RAB11FIP3: variants seen among roughly 807,000 people sequenced by gnomAD.
RAB11FIP3 encodes the protein rab11 family-interacting protein 3.
In RAB11FIP3, 17 loss-of-function variants were observed where a neutral mutation model predicts 77.8. The observed-to-expected ratio is 0.22, with a 90% CI of 0.15 to 0.33. The LOEUF (loss-of-function observed/expected upper bound fraction) is 0.33, where lower values mean the gene tolerates loss of function less well. Ranked by LOEUF, RAB11FIP3 falls within the 10% of genes least tolerant of loss-of-function variation. The pLI, the probability that RAB11FIP3 is intolerant of heterozygous loss-of-function variation, is 1.00. For missense variants in RAB11FIP3, 1,005 were observed against 1,011.2 expected, an observed-to-expected ratio of 0.99 and a Z score of 0.08; for synonymous variants, 437 against 448.2, an observed-to-expected ratio of 0.98 and a Z score of 0.31.
rs878990432 is a variant in RAB11FIP3 at position 505,221 on chromosome 16, G to C, written c.1396-303G>C. Among the ~76,000 whole-genome samples the C allele has an allele frequency of 6.6e-6, 1 of 151,960 alleles. No homozygotes were observed. Among genetic ancestry groups the C allele is most frequent in the African/African-American group, 2.4e-5 (1 of 41,380 alleles). On this transcript the variant is annotated intron_variant, in intron 7 of 13. Transcript: ENST00000262305. This position sits in a 1 kb window ranked among gnomAD's most constrained non-coding sequence, Gnocchi z 4.0. Reference sequence around the variant, plus strand: ...TGAGCAGAGACCCAACTGTGTGTTGGGGGGCTGAGTCTTGCTGCCCACCAG... The same window carrying C: ...TGAGCAGAGACCCAACTGTGTGTTGCGGGGCTGAGTCTTGCTGCCCACCAG...
At chr16:486,579 G>A (rs900953954) in intron 4 of RAB11FIP3, among the ~76,000 whole-genome samples, 15 of 152,212 alleles carry the variant, frequency 9.9e-5, no homozygotes, top group Non-Finnish European at 2.1e-4. Context: ...TAGCTAGCGC[G>A]GCTCATCTTC....
intron 1 of RAB11FIP3, among the ~76,000 whole-genome samples, chr16:433,441 G>C (rs1310134602): frequency 3.3e-5 from 5 of 151,616 alleles, no homozygotes; most frequent in Non-Finnish European, 7.4e-5. Context: ...TCCCACATAA[G>C]AGTAAAAACG....
rs1409025783 is a variant in RAB11FIP3 at position 471,104 on chromosome 16, T to C, written c.809-191T>C. Among the ~76,000 whole-genome samples the C allele has an allele frequency of 1.3e-5, 2 of 152,066 alleles. No individual in the cohort carries two copies. Among genetic ancestry groups the C allele is most frequent in the Non-Finnish European group, 2.9e-5 (2 of 68,008 alleles). ...CTGTGGGCAACGCATCTCTGACCCG[T>C]TGGCAAGGCTGTTTTCTCTCCCTGG... On this transcript the variant is annotated intron_variant, in intron 2 of 13. Transcript: ENST00000262305. The surrounding 1 kb of genome is among the most constrained non-coding windows in gnomAD (Gnocchi z 4.4).
At chr16:513,135 A>G (rs992406652) in intron 9 of RAB11FIP3, among the ~76,000 whole-genome samples, 1 of 152,252 alleles carries the variant, frequency 6.6e-6, no homozygotes, top group Non-Finnish European at 1.5e-5. Flanking sequence ...TAAAATATCT[A>G]TAATCAGAGG....
chr16:443,977 T>C (rs1315898578), intron 1 of RAB11FIP3, among the ~76,000 whole-genome samples: 2 of 152,210 alleles, frequency 1.3e-5, no homozygotes, highest in African/African-American at 4.8e-5. Context: ...GAGTTTCAGT[T>C]TGTATTTCCT....
intron 1 of RAB11FIP3, among the ~76,000 whole-genome samples, chr16:452,583 C>A (rs1277926498): frequency 1.3e-5 from 2 of 148,742 alleles, no homozygotes; most frequent in South Asian, 4.4e-4. Context: ...TACAGGCGCC[C>A]GCCACCACGC....
At chr16:433,884 T>C (rs943237761) in intron 1 of RAB11FIP3, among the ~76,000 whole-genome samples, 2 of 151,614 alleles carry the variant, frequency 1.3e-5, no homozygotes, top group Non-Finnish European at 2.9e-5. Flanking sequence ...TACTCCATTG[T>C]GTATCTATAT....
At chr16:512,976 C>T (rs1384953949) in intron 9 of RAB11FIP3, among the ~76,000 whole-genome samples, 1 of 151,676 alleles carries the variant, frequency 6.6e-6, no homozygotes, top group Non-Finnish European at 1.5e-5. Flanking sequence ...GCCACTGTGC[C>T]CGCCGAGGCA....
intron 8 of RAB11FIP3, among the ~76,000 whole-genome samples, chr16:509,093 A>G (rs2032013259): frequency 6.6e-6 from 1 of 151,908 alleles, no homozygotes; most frequent in Non-Finnish European, 1.5e-5. Flanking sequence ...TAGTAGATTC[A>G]GGGTTTCACC....
At chr16:460,607 T>A (rs1201379497) in intron 1 of RAB11FIP3, among the ~76,000 whole-genome samples, 2 of 152,200 alleles carry the variant, frequency 1.3e-5, no homozygotes, top group Admixed American at 1.3e-4. Context: ...ATTTTTGATA[T>A]CAAGGGTCTT....
At chr16:463,770 C>T (rs184772224) in intron 2 of RAB11FIP3, among the ~76,000 whole-genome samples, 217 of 152,272 alleles carry the variant, frequency 1.4e-3, no homozygotes, top group South Asian at 2.7e-3. Context: ...ATTTGACTGT[C>T]TGTTCTTCCA....
intron 5 of RAB11FIP3, among the ~76,000 whole-genome samples, chr16:496,288 G>T (rs1311571316): frequency 2.0e-5 from 3 of 152,210 alleles, no homozygotes; most frequent in African/African-American, 7.2e-5. Context: ...CACTGCAGAT[G>T]GTTAAATCAG....
intron 1 of RAB11FIP3, among the ~76,000 whole-genome samples, chr16:454,920 C>T (rs1375197203): frequency 6.6e-6 from 1 of 151,816 alleles, no homozygotes; most frequent in East Asian, 1.9e-4. Flanking sequence ...CGTGGTGGTA[C>T]GTGCCTGTAA....
intron 3 of RAB11FIP3, among the ~76,000 whole-genome samples, chr16:475,309 G>T (rs1457673027): frequency 2.0e-5 from 3 of 152,208 alleles, no homozygotes; most frequent in Non-Finnish European, 4.4e-5. Flanking sequence ...TTTCCAAGAT[G>T]CACTTTGATT....
chr16:467,212 C>T (rs2055715598), intron 2 of RAB11FIP3, among the ~76,000 whole-genome samples: 1 of 152,180 alleles, frequency 6.6e-6, no homozygotes, highest in Non-Finnish European at 1.5e-5. Flanking sequence ...CCCAGCAGGG[C>T]TGCACCTGGC....
intron 1 of RAB11FIP3, among the ~76,000 whole-genome samples, chr16:459,431 C>CTT (rs56705738): frequency 5.9e-4 from 69 of 117,418 alleles, no homozygotes; most frequent in African/African-American, 1.9e-3. Context: ...CAGCTTCAAA[C>CTT]TTTTTTTTTT....
intron 6 of RAB11FIP3, among the ~76,000 whole-genome samples, chr16:497,939 CA>C (rs747783090): frequency 4.4e-3 from 201 of 46,118 alleles, no homozygotes; most frequent in Middle Eastern, 0.012. Context: ...CCTGTCTCTA[CA>C]AAAAAAAAAA....
intron 9 of RAB11FIP3, among the ~76,000 whole-genome samples, chr16:511,786 C>T (rs2032185071): frequency 9.4e-6 from 1 of 106,806 alleles, no homozygotes; most frequent in Non-Finnish European, 1.8e-5. Flanking sequence ...AGGTTCCTGA[C>T]GGCCCGCCCA....
chr16:461,356 C>T lies in RAB11FIP3; in HGVS notation c.715-48C>T, dbSNP rs1596226629. 3 of 1,511,112 alleles carry T rather than the reference C, an allele frequency of 2.0e-6. No homozygotes were observed. The highest frequency in any genetic ancestry group is 1.4e-5 in the African/African-American group (1 of 71,898). 93.6% of individuals were successfully genotyped at this position (1,511,112 alleles called of 1,614,324 possible). A position where few individuals can be genotyped will look rare whatever the true frequency, so the allele number is the denominator to read the frequency against. On this transcript the variant is annotated intron_variant, in intron 1 of 13. Coordinates refer to ENST00000262305, the MANE Select transcript of RAB11FIP3 (RefSeq NM_014700.4). The surrounding 1 kb of genome is among the most constrained non-coding windows in gnomAD (Gnocchi z 4.5). ...CAGTCCGAGGTCCAGGGTTGGGGACCCCTGCTGTAAAGGCTTAGGGTAACC... is the reference window on the plus strand; with the variant it reads ...CAGTCCGAGGTCCAGGGTTGGGGACTCCTGCTGTAAAGGCTTAGGGTAACC...
Sources: gnomAD v4.1 joint callset for allele counts (sites outside exome capture counted in the v4.1 genomes callset) on GRCh38, gnomAD v4.1.1 for gene constraint, Gnocchi (gnomAD v3.1) non-coding constraint, MANE v1.5 for transcripts, NCBI Gene and HGNC (gene_info 2026-07-23, HGNC 2026-07-21) for gene names.